The following VAV2 variants were observed in gnomAD, a reference collection of about 807,000 sequenced individuals.
The protein encoded by VAV2 is vav guanine nucleotide exchange factor 2.
VAV2 carries 67 observed loss-of-function variants against 132.5 expected under a neutral mutation model. The observed-to-expected ratio is 0.51, with a 90% CI of 0.42 to 0.62. The LOEUF (loss-of-function observed/expected upper bound fraction) is 0.62, where lower values mean the gene tolerates loss of function less well. Ranked by LOEUF, VAV2 falls within the 20% of genes least tolerant of loss-of-function variation. VAV2 has a pLI of 0.00. For synonymous variants in VAV2, 492 were observed against 443.5 expected, an observed-to-expected ratio of 1.11 and a Z score of -1.37; for missense variants, 938 against 1,153.6, an observed-to-expected ratio of 0.81 and a Z score of 2.71.
intron 4 of VAV2, among the ~76,000 whole-genome samples, chr9:133,813,285 G>A (rs1588211286): frequency 6.6e-6 from 1 of 152,370 alleles, no homozygotes; most frequent in Middle Eastern, 3.4e-3. Context: ...AATAAATGCA[G>A]AGCACCCCCT....
intron 2 of VAV2, among the ~76,000 whole-genome samples, chr9:133,927,252 C>T (rs1015442558): frequency 2.0e-5 from 3 of 152,150 alleles, no homozygotes; most frequent in Non-Finnish European, 4.4e-5. Flanking sequence ...CATACCACAC[C>T]CACGGCAGAC....
intron 2 of VAV2, among the ~76,000 whole-genome samples, chr9:133,927,164 C>T (rs1387152496): frequency 6.6e-6 from 1 of 152,122 alleles, no homozygotes; most frequent in African/African-American, 2.4e-5. Flanking sequence ...ATTGTGCTCT[C>T]TCCTCTTTCT....
In VAV2 at chr9:133,794,245, G is replaced by A. The variant is rs1294433887; in HGVS notation, c.1101+1423C>T. Reference sequence around the variant, plus strand: ...GACAGGCCAGAGCAGGTGTTGGAGAGGGGCGGCTTGGGGGCTGCAGAGCTG... The same window carrying A: ...GACAGGCCAGAGCAGGTGTTGGAGAAGGGCGGCTTGGGGGCTGCAGAGCTG... On this transcript the variant is annotated intron_variant, in intron 12 of 29. Transcript: ENST00000371850. The surrounding 1 kb of genome is among the most constrained non-coding windows in gnomAD (Gnocchi z 4.6). Among the ~76,000 whole-genome samples the A allele has an allele frequency of 1.3e-5, 2 of 152,124 alleles. No individual in the cohort carries two copies. The highest frequency in any genetic ancestry group is 1.3e-4 in the Admixed American group (2 of 15,274).
At chr9:133,818,328 T>G (rs1835648708) in intron 4 of VAV2, among the ~76,000 whole-genome samples, 2 of 145,920 alleles carry the variant, frequency 1.4e-5, no homozygotes. Context: ...ATCGCGCCAC[T>G]GCACTCCAGC....
chr9:133,877,819 C>G (rs1838322642), intron 2 of VAV2, among the ~76,000 whole-genome samples: 1 of 151,986 alleles, frequency 6.6e-6, no homozygotes, highest in Non-Finnish European at 1.5e-5. Flanking sequence ...ATAACTGTAT[C>G]TCTAACACTA....
rs755528745 is a variant in VAV2, at chr9:133,788,339, C to A, written c.1407+15G>T. ...CCACGTTCCTGGGTAGCAGGGGGGA[C>A]CCGGAAGGCCCCACCTTCTTGACGT... On this transcript the variant is annotated intron_variant, in intron 15 of 29. Coordinates refer to ENST00000371850, the MANE Select transcript of VAV2 (RefSeq NM_001134398.2). The surrounding 1 kb of genome is among the most constrained non-coding windows in gnomAD (Gnocchi z 5.3). 7.5e-6 allele frequency: 12 copies of A among 1,594,684 alleles called. No individual in the cohort carries two copies. The South Asian group carries it at 9.9e-5, about 13-fold the overall frequency.
chr9:133,954,516 G>A (rs1002983377), intron 1 of VAV2, among the ~76,000 whole-genome samples: 2 of 152,278 alleles, frequency 1.3e-5, no homozygotes, highest in East Asian at 3.8e-4. Flanking sequence ...ATCCACGCAC[G>A]CCTGAAGGCT....
Position 133,981,881 on chromosome 9 carries a change from G to T in VAV2, c.204+10194C>A, listed in dbSNP as rs77405037. 1.3e-5 allele frequency among the ~76,000 whole-genome samples: 2 copies of T among 152,352 alleles called. 1 individual carries two copies. Among genetic ancestry groups the T allele is most frequent in the Middle Eastern group, 6.8e-3 (2 of 294 alleles). On this transcript the variant is annotated intron_variant, in intron 1 of 29. Transcript: ENST00000371850. ...GCCCCCTCTAGACTGCCCCAAGGGC[G>T]GGGGTGGGGGTCATGGAGGCGCTCA...
At chr9:133,938,394 G>A (rs1841003613) in intron 2 of VAV2, among the ~76,000 whole-genome samples, 1 of 152,068 alleles carries the variant, frequency 6.6e-6, no homozygotes, top group African/African-American at 2.4e-5. Flanking sequence ...GAAGGCAGGT[G>A]GCCCCTGCGT....
chr9:133,982,243 C>G (rs1454113482), intron 1 of VAV2, among the ~76,000 whole-genome samples: 1 of 151,352 alleles, frequency 6.6e-6, no homozygotes, highest in Non-Finnish European at 1.5e-5. Context: ...GCACCGAAGG[C>G]CAGGGAGACT....
intron 1 of VAV2, among the ~76,000 whole-genome samples, chr9:133,989,668 G>A (rs1588236852): frequency 6.6e-6 from 1 of 152,168 alleles, no homozygotes; most frequent in East Asian, 1.9e-4. Context: ...CTGGGCGACA[G>A]AGCAAGACTC....
intron 4 of VAV2, among the ~76,000 whole-genome samples, chr9:133,821,654 A>G (rs1350776608): frequency 6.6e-6 from 1 of 152,216 alleles, no homozygotes; most frequent in African/African-American, 2.4e-5. Context: ...CAGATTTTTT[A>G]AAACCTAGGA....
intron 3 of VAV2, among the ~76,000 whole-genome samples, chr9:133,860,532 C>T (rs190746963): frequency 1.1e-4 from 17 of 152,210 alleles, no homozygotes; most frequent in Non-Finnish European, 2.1e-4. Flanking sequence ...TAGTCATACA[C>T]AGCATCCCCC....
chr9:133,890,404 G>A (rs1182393588), intron 2 of VAV2, among the ~76,000 whole-genome samples: 1 of 152,194 alleles, frequency 6.6e-6, no homozygotes, highest in Admixed American at 6.5e-5. Context: ...CCCAGCCCCG[G>A]ACTACATTTC....
At chr9:133,781,559 G>T (rs1034893207) in intron 19 of VAV2, among the ~76,000 whole-genome samples, 1 of 152,224 alleles carries the variant, frequency 6.6e-6, no homozygotes, top group South Asian at 2.1e-4. Flanking sequence ...GCTCTCAGGA[G>T]AGGCCAGCAT....
Position 133,940,672 on chromosome 9 carries a change from C to CGTGTGTGTGTGTGTGTGTGT in VAV2, c.205-1473_205-1454dup, listed in dbSNP as rs60265901. On this transcript the variant is annotated intron_variant, in intron 1 of 29. Transcript: ENST00000371850. ...CCTAGAGTCCCTCTCTGTCCACGTG[C>CGTGTGTGTGTGTGTGTGTGT]GTGTGTGTGTGTGTGTGTGTGTGTG... Among the ~76,000 whole-genome samples, 680 of 139,308 alleles carry CGTGTGTGTGTGTGTGTGTGT rather than the reference C, an allele frequency of 4.9e-3. 6 individuals are homozygous for CGTGTGTGTGTGTGTGTGTGT. Among genetic ancestry groups the CGTGTGTGTGTGTGTGTGTGT allele is most frequent in the Non-Finnish European group, 7.8e-3 (484 of 62,156 alleles). 91.4% of individuals were successfully genotyped at this position (139,308 alleles called of 152,430 possible). A position where few individuals can be genotyped will look rare whatever the true frequency, so the allele number is the denominator to read the frequency against.
Position 133,969,872 on chromosome 9 carries a change from T to G in VAV2, c.204+22203A>C, listed in dbSNP as rs1481180732. Reference sequence around the variant, plus strand: ...AGGTGTCCCTGTAGTGCAGACACAGTGGAGCTTTCCAAAGCCAAATCTGAG... The same window carrying G: ...AGGTGTCCCTGTAGTGCAGACACAGGGGAGCTTTCCAAAGCCAAATCTGAG... On this transcript the variant is annotated intron_variant, in intron 1 of 29. Transcript: ENST00000371850. This position sits in a 1 kb window ranked among gnomAD's most constrained non-coding sequence, Gnocchi z 5.1. 6.6e-6 allele frequency among the ~76,000 whole-genome samples: 1 copy of G among 151,964 alleles called. No homozygotes were observed.
chr9:133,933,706 G>A (rs1339550913), intron 2 of VAV2, among the ~76,000 whole-genome samples: 5 of 145,712 alleles, frequency 3.4e-5, no homozygotes, highest in African/African-American at 1.3e-4. Context: ...ATGGATGGAT[G>A]GTGAGTGGGT....
chr9:133,964,776 T>C (rs1469078039), intron 1 of VAV2, among the ~76,000 whole-genome samples: 1 of 152,236 alleles, frequency 6.6e-6, no homozygotes, highest in East Asian at 1.9e-4. Context: ...CAATATCATT[T>C]TGGGATAAAA....
Sources: gnomAD v4.1 joint callset for allele counts (sites outside exome capture counted in the v4.1 genomes callset) on GRCh38, gnomAD v4.1.1 for gene constraint, Gnocchi (gnomAD v3.1) non-coding constraint, MANE v1.5 for transcripts, NCBI Gene and HGNC (gene_info 2026-07-23, HGNC 2026-07-21) for gene names.